The following KLHL29 variants were observed in gnomAD, a reference collection of about 807,000 sequenced individuals.
The protein encoded by KLHL29 is kelch like family member 29.
KLHL29 carries 21 observed loss-of-function variants against 80.4 expected under a neutral mutation model. The ratio of observed to expected loss-of-function variants is 0.26; its 90% CI spans 0.19 to 0.38. The LOEUF is 0.38. Ranked by LOEUF, KLHL29 falls within the 10% of genes least tolerant of loss-of-function variation. The pLI, the probability that KLHL29 is intolerant of heterozygous loss-of-function variation, is 1.00. For synonymous variants in KLHL29, 511 were observed against 526.8 expected, an observed-to-expected ratio of 0.97 and a Z score of 0.41; for missense variants, 867 against 1,223.9, an observed-to-expected ratio of 0.71 and a Z score of 4.35.
At chr2:23,579,185 T>C (rs142792980) in intron 3 of KLHL29, among the ~76,000 whole-genome samples, 3 of 152,310 alleles carry the variant, frequency 2.0e-5, no homozygotes, top group African/African-American at 7.2e-5. Flanking sequence ...AGCAACCCCA[T>C]GTGGTAAGTC....
intron 3 of KLHL29, among the ~76,000 whole-genome samples, chr2:23,631,299 G>A (rs1042762345): frequency 1.3e-5 from 2 of 152,142 alleles, no homozygotes; most frequent in African/African-American, 4.8e-5. Context: ...ATTGGAATCT[G>A]AATATATATT....
intron 3 of KLHL29, among the ~76,000 whole-genome samples, chr2:23,622,879 A>G (rs1049642106): frequency 1.3e-5 from 2 of 152,214 alleles, no homozygotes; most frequent in African/African-American, 4.8e-5. Flanking sequence ...GAGGTGAGAA[A>G]AGGAGGGCAT....
intron 3 of KLHL29, among the ~76,000 whole-genome samples, chr2:23,570,183 T>C (rs1667684473): frequency 1.3e-5 from 2 of 152,204 alleles, no homozygotes; most frequent in Admixed American, 1.3e-4. Flanking sequence ...GGGCCAGGCA[T>C]CTGTATGCAC....
At position 23,399,781 on chromosome 2, in the gene KLHL29, G is replaced by A. The variant is rs112073022; in HGVS notation, c.-154+14001G>A. ...CACTTTCTGATGTCAGTCATCATGG[G>A]TTTATGCCTGTTCTCGATGTTCTTG... On this transcript the variant is annotated intron_variant, in intron 1 of 13. Coordinates refer to ENST00000486442, the MANE Select transcript of KLHL29 (RefSeq NM_052920.2). Among the ~76,000 whole-genome samples, 944 of 152,256 alleles carry A rather than the reference G, an allele frequency of 6.2e-3. 14 individuals are homozygous for A. Among genetic ancestry groups the A allele is most frequent in the African/African-American group, 0.02 (847 of 41,546 alleles).
chr2:23,507,438 TGTCCTTCC>T (rs1422384771), intron 2 of KLHL29, among the ~76,000 whole-genome samples: 3 of 152,140 alleles, frequency 2.0e-5, no homozygotes, highest in Non-Finnish European at 4.4e-5. Flanking sequence ...AGTGCACGGG[TGTCCTTCC>T]GTCCTTCCCT....
At chr2:23,673,594 G>A (rs1028240815) in intron 5 of KLHL29, among the ~76,000 whole-genome samples, 10 of 150,524 alleles carry the variant, frequency 6.6e-5, no homozygotes, top group Non-Finnish European at 1.5e-4. Flanking sequence ...CATACACAGG[G>A]GTGCATACAC....
chr2:23,681,191 G>T lies in KLHL29; in HGVS notation c.941-3208G>T, dbSNP rs186090203. Among the ~76,000 whole-genome samples the T allele has an allele frequency of 2.6e-5, 4 of 152,332 alleles. No homozygotes were observed. In the East Asian group the frequency reaches 7.7e-4, roughly 29 times the overall value. ...AGCAGCCCGCACACACCAGCCAATC[G>T]ATACTAGGAATGCACTTGGGGCCTG... is the stretch of plus-strand genomic sequence containing the variant. On this transcript the variant is annotated intron_variant, in intron 5 of 13. Transcript: ENST00000486442. This position sits in a 1 kb window ranked among gnomAD's most constrained non-coding sequence, Gnocchi z 4.2.
intron 1 of KLHL29, among the ~76,000 whole-genome samples, chr2:23,472,454 T>A (rs960094243): frequency 1.3e-5 from 2 of 152,138 alleles, no homozygotes; most frequent in Non-Finnish European, 2.9e-5. Context: ...ACCAACATGA[T>A]GAAACCCTGT....
At chr2:23,565,357 C>G (rs907102271) in intron 3 of KLHL29, among the ~76,000 whole-genome samples, 1 of 152,128 alleles carries the variant, frequency 6.6e-6, no homozygotes, top group Non-Finnish European at 1.5e-5. Flanking sequence ...AATCGCCGTG[C>G]CCAGCCTGAA....
At chr2:23,633,788 T>TGTGTGTGTG (rs1669535664) in intron 3 of KLHL29, among the ~76,000 whole-genome samples, 7 of 152,022 alleles carry the variant, frequency 4.6e-5, no homozygotes, top group African/African-American at 1.5e-4. Flanking sequence ...TGTGTGTGTG[T>TGTGTGTGTG]GTGTTTAATT....
chr2:23,654,047 A>G (rs1368544168), intron 5 of KLHL29, among the ~76,000 whole-genome samples: 2 of 152,016 alleles, frequency 1.3e-5, no homozygotes, highest in East Asian at 3.9e-4. Context: ...GGTTCCTGTA[A>G]TCCCAGCTGC....
intron 6 of KLHL29, among the ~76,000 whole-genome samples, chr2:23,687,509 A>G (rs1441820529): frequency 6.6e-6 from 1 of 152,168 alleles, no homozygotes; most frequent in African/African-American, 2.4e-5. Flanking sequence ...CTCAGCAAAC[A>G]CACAGGAGCC....
intron 1 of KLHL29, among the ~76,000 whole-genome samples, chr2:23,468,651 G>A (rs1041101367): frequency 2.6e-5 from 4 of 152,116 alleles, no homozygotes; most frequent in South Asian, 2.1e-4. Flanking sequence ...CCCCACGGCC[G>A]TCTCCAGCCC....
At chr2:23,658,905 C>T (rs1670322927) in intron 5 of KLHL29, among the ~76,000 whole-genome samples, 1 of 152,210 alleles carries the variant, frequency 6.6e-6, no homozygotes, top group African/African-American at 2.4e-5. Flanking sequence ...TCCCGGTTTT[C>T]TGGTCAGAAT....
intron 3 of KLHL29, among the ~76,000 whole-genome samples, chr2:23,619,237 A>T (rs1669105542): frequency 6.6e-6 from 1 of 152,270 alleles, no homozygotes; most frequent in African/African-American, 2.4e-5. Context: ...TTCCTGCAGC[A>T]GGTGAGGCTC....
intron 3 of KLHL29, chr2:23,617,934 G>A (rs981858218): frequency 6.6e-6 from 1 of 152,172 alleles, no homozygotes; most frequent in Non-Finnish European, 1.5e-5. Flanking sequence ...CGAAGACGGC[G>A]TCCGTTGTCA....
intron 2 of KLHL29, among the ~76,000 whole-genome samples, chr2:23,511,233 T>G (rs757792502): frequency 2.6e-5 from 4 of 152,084 alleles, no homozygotes; most frequent in Non-Finnish European, 5.9e-5. Context: ...TTAAATAAAC[T>G]AAATAAGCTC....
At chr2:23,412,504 A>G (rs539874830) in intron 1 of KLHL29, among the ~76,000 whole-genome samples, 71 of 152,194 alleles carry the variant, frequency 4.7e-4, no homozygotes, top group African/African-American at 1.7e-3. Context: ...AAATGGGCCA[A>G]TGGTGCCTTG....
At chr2:23,630,558 A>C (rs974028989) in intron 3 of KLHL29, among the ~76,000 whole-genome samples, 1 of 152,140 alleles carries the variant, frequency 6.6e-6, no homozygotes, top group Non-Finnish European at 1.5e-5. Context: ...ATCTTGGCTC[A>C]ATGCAACCTC....
Sources: gnomAD v4.1 joint callset for allele counts (sites outside exome capture counted in the v4.1 genomes callset) on GRCh38, gnomAD v4.1.1 for gene constraint, Gnocchi (gnomAD v3.1) non-coding constraint, MANE v1.5 for transcripts, NCBI Gene and HGNC (gene_info 2026-07-23, HGNC 2026-07-21) for gene names.